Variants in EYA3 observed in about 807,000 individuals in gnomAD.
EYA3 encodes protein phosphatase EYA3.
In EYA3, 39 loss-of-function variants were observed where a neutral mutation model predicts 80.0. The ratio of observed to expected loss-of-function variants is 0.49; its 90% CI spans 0.38 to 0.64. EYA3 has a LOEUF of 0.64. Among genes scored for constraint, EYA3 ranks in the 30% least tolerant of loss-of-function variants. The pLI, the probability that EYA3 is intolerant of heterozygous loss-of-function variation, is 0.00. For missense variants in EYA3, 523 were observed against 676.1 expected, an observed-to-expected ratio of 0.77 and a Z score of 2.51; for synonymous variants, 206 against 232.8, an observed-to-expected ratio of 0.88 and a Z score of 1.05.
At chr1:28,078,423 A>G (rs898388773) in intron 1 of EYA3, among the ~76,000 whole-genome samples, 1 of 152,238 alleles carries the variant, frequency 6.6e-6, no homozygotes, top group Non-Finnish European at 1.5e-5. Context: ...AACTCATCAT[A>G]GTCACAAACA....
intron 7 of EYA3, among the ~76,000 whole-genome samples, chr1:28,025,948 G>T (rs12562773): frequency 0.068 from 10,324 of 151,982 alleles, 617 homozygotes; most frequent in East Asian, 0.25. Flanking sequence ...TAGTAGAGAC[G>T]GGGTTTCTCC....
chr1:28,078,856 G>A (rs1645318870), intron 1 of EYA3, among the ~76,000 whole-genome samples: 1 of 152,210 alleles, frequency 6.6e-6, no homozygotes. Flanking sequence ...TGGTATTCGA[G>A]CCCAGGCAGG....
rs377309843 is a variant in EYA3 at position 28,035,655 on chromosome 1, G to A, written c.250C>T (p.Pro84Ser). ...AKPYAHILSV[P>S]VSETAYPGQT... The stretch of plus-strand genomic sequence containing the variant: ...CCAGGGTAAGCAGTTTCCGAAACAG[G>A]AACTGAGAGAATATGTGCATAAGGT... The change falls in exon 6 of 18, where the codon CCT becomes TCT. Residue 84 changes from proline (P) to serine (S), a missense_variant. Pro to Ser is a moderately conservative substitution (Grantham distance 74). This residue lies in a region of EYA3 where 304 missense variants were observed against 343.3 expected (regional missense o/e 0.89). Coordinates refer to ENST00000373871, the MANE Select transcript of EYA3 (RefSeq NM_001990.4). 1.3e-5 allele frequency: 21 copies of A among 1,613,900 alleles called. No homozygotes were observed. Among genetic ancestry groups the A allele is most frequent in the Non-Finnish European group, 1.8e-5 (21 of 1,179,986 alleles).
intron 3 of EYA3, 29 bp downstream of exon 3, chr1:28,048,354 T>C (rs372379869): frequency 1.9e-6 from 3 of 1,561,546 alleles, no homozygotes; most frequent in South Asian, 2.4e-5. Context: ...TATGAGTAGT[T>C]CATTAAAAAG....
rs189226783 is a variant in EYA3 at position 28,087,064 on chromosome 1, A to G, written c.-69+1460T>C. 1.0e-3 allele frequency among the ~76,000 whole-genome samples: 154 copies of G among 152,366 alleles called. 1 individual carries two copies. Among genetic ancestry groups the G allele is most frequent in the Non-Finnish European group, 1.6e-3 (106 of 68,040 alleles). ...CAAAGCTGTATTTAAGTTCATACTGAAGTACTACATTTTAAAGCACAATTT... is the reference window on the plus strand; with the variant it reads ...CAAAGCTGTATTTAAGTTCATACTGGAGTACTACATTTTAAAGCACAATTT... On this transcript the variant is annotated intron_variant, in intron 1 of 17. Coordinates refer to ENST00000373871, the MANE Select transcript of EYA3 (RefSeq NM_001990.4).
chr1:28,073,299 A>ATT (rs771192369), intron 1 of EYA3, among the ~76,000 whole-genome samples: 9 of 114,226 alleles, frequency 7.9e-5, no homozygotes, highest in African/African-American at 2.8e-4. Context: ...CACCCAGCTA[A>ATT]TTTTTTTTTT....
intron 1 of EYA3, among the ~76,000 whole-genome samples, chr1:28,074,720 CTATGTGTGGACCATACT>C (rs915848363): frequency 6.6e-6 from 1 of 152,090 alleles, no homozygotes; most frequent in African/African-American, 2.4e-5. Context: ...GCTTTCTCTC[CTATGTGTGGACCATACT>C]TAAGTGGTTT....
chr1:28,006,763 C>G (rs1186157351), intron 10 of EYA3, among the ~76,000 whole-genome samples: 1 of 151,696 alleles, frequency 6.6e-6, no homozygotes, highest in Non-Finnish European at 1.5e-5. Flanking sequence ...AGTACCACAC[C>G]TAGTGGTGAA....
At chr1:27,989,055 T>C (rs1639855998) in intron 15 of EYA3, among the ~76,000 whole-genome samples, 1 of 152,244 alleles carries the variant, frequency 6.6e-6, no homozygotes, top group African/African-American at 2.4e-5. Flanking sequence ...TGAGATATGA[T>C]TTGTGTTCGC....
In EYA3 at chr1:27,978,418, C is replaced by T. The variant is rs1639086953; in HGVS notation, c.1597G>A (p.Val533Ile). 6 of 1,614,092 alleles carry T rather than the reference C, an allele frequency of 3.7e-6. No individual in the cohort carries two copies. Among genetic ancestry groups the T allele is most frequent in the Admixed American group, 1.7e-5 (1 of 60,006 alleles). ...VSRFGKKVTYVVIGDGRDEEI... is the reference protein window; with the variant it reads ...VSRFGKKVTYIVIGDGRDEEI... ...TCATCTCGTCCATCTCCAATCACTACATATGTGACTTTCTTTCCAAACCTT... is the reference window on the plus strand; with the variant it reads ...TCATCTCGTCCATCTCCAATCACTATATATGTGACTTTCTTTCCAAACCTT... The change falls in exon 17 of 18, where the codon GTA (valine) becomes ATA (isoleucine). Residue 533 changes from valine (V) to isoleucine (I), a missense_variant. By Grantham distance (29) the Val-to-Ile change is conservative. Transcript: ENST00000373871.
In EYA3 at chr1:28,058,974, TAATTA is replaced by T. The variant is rs775612351; in HGVS notation, c.-68-885_-68-881del. Among the ~76,000 whole-genome samples the T allele has an allele frequency of 3.4e-4, 51 of 152,078 alleles. 2 individuals are homozygous for T. The highest frequency in any genetic ancestry group is 6.8e-3 in the Middle Eastern group (2 of 294). On this transcript the variant is annotated intron_variant, in intron 1 of 17. Transcript: ENST00000373871. Reference sequence around the variant, plus strand: ...CAAAAGATGTGATTGCTTGTATATTTAATTAAAGTCACAGCTGTTTTTAGCTTTTC... The same window carrying T: ...CAAAAGATGTGATTGCTTGTATATTTAAGTCACAGCTGTTTTTAGCTTTTC...
In EYA3 at chr1:28,028,048, G is replaced by T. The variant is rs1016556996; in HGVS notation, c.362-122C>A. ...TCTTAAAACAAAAATAAATTTGCTTGTAAGAGAAAATTATTGAATCTCCCA... is the reference window on the plus strand; with the variant it reads ...TCTTAAAACAAAAATAAATTTGCTTTTAAGAGAAAATTATTGAATCTCCCA... On this transcript the variant is annotated intron_variant, in intron 6 of 17. Transcript: ENST00000373871. 6.2e-5 allele frequency: 71 copies of T among 1,151,160 alleles called. 1 individual carries two copies. In the African/African-American group the frequency reaches 9.6e-4, roughly 16 times the overall value. The allele number at this position is 1,151,160 out of a possible 1,614,324, so 71.3% of individuals were successfully genotyped here. A position where few individuals can be genotyped will look rare whatever the true frequency, so the allele number is the denominator to read the frequency against.
At chr1:28,068,272 C>T (rs1005106236) in intron 1 of EYA3, among the ~76,000 whole-genome samples, 3 of 149,822 alleles carry the variant, frequency 2.0e-5, no homozygotes, top group Admixed American at 1.3e-4. Context: ...GTGGAGATTG[C>T]AGTGAGCCAA....
chr1:27,975,486 T>TG lies in EYA3; in HGVS notation c.1642-941_1642-940insC, dbSNP rs879471534. On this transcript the variant is annotated intron_variant, in intron 17 of 17. Coordinates refer to ENST00000373871, the MANE Select transcript of EYA3 (RefSeq NM_001990.4). ...CATGAGCCACTGTGCCTGGAGGCCA[T>TG]ATTTTTTTTTTTTTTTTGAGACAGA... is the stretch of plus-strand genomic sequence containing the variant. Among the ~76,000 whole-genome samples, 30 of 142,340 alleles carry TG rather than the reference T, an allele frequency of 2.1e-4. No individual in the cohort carries two copies. In the South Asian group the frequency reaches 2.3e-3, roughly 11 times the overall value. The allele number at this position is 142,340 out of a possible 152,430, so 93.4% of individuals were successfully genotyped here.
intron 9 of EYA3, among the ~76,000 whole-genome samples, 160 bp from the exon 10 acceptor site, chr1:28,011,246 G>A (rs888391320): frequency 3.3e-5 from 5 of 152,166 alleles, no homozygotes; most frequent in Non-Finnish European, 7.3e-5. Context: ...GTACATCTAG[G>A]CATTGAGCAT....
chr1:28,059,349 TAC>T (rs1340056850), intron 1 of EYA3, among the ~76,000 whole-genome samples: 4 of 152,232 alleles, frequency 2.6e-5, no homozygotes, highest in African/African-American at 9.6e-5. Flanking sequence ...CTGTAGCTCA[TAC>T]ACAGAGCCTC....
chr1:28,010,851 A>C, intron 10 of EYA3, 96 bp downstream of exon 10: 220 of 1,308,538 alleles, frequency 1.7e-4, no homozygotes, highest in Non-Finnish European at 2.1e-4. Flanking sequence ...CACATAACAT[A>C]GTGCACATTA....
chr1:28,052,051 CTGGCTGGAGTGCAG>C (rs1021335008), intron 2 of EYA3, among the ~76,000 whole-genome samples: 2 of 152,142 alleles, frequency 1.3e-5, no homozygotes, highest in Non-Finnish European at 2.9e-5. Context: ...CTCTGTCACC[CTGGCTGGAGTGCAG>C]TGGTGCGATC....
At chr1:28,074,026 C>T (rs1016906172) in intron 1 of EYA3, among the ~76,000 whole-genome samples, 2 of 151,908 alleles carry the variant, frequency 1.3e-5, no homozygotes, top group Non-Finnish European at 2.9e-5. Flanking sequence ...TTATTAGTAA[C>T]GAGATCTGAA....
Sources: gnomAD v4.1 joint callset for allele counts (sites outside exome capture counted in the v4.1 genomes callset) on GRCh38, gnomAD v4.1.1 for gene constraint, gnomAD v4.1.1 regional missense constraint, MANE v1.5 for transcripts, NCBI Gene and HGNC (gene_info 2026-07-23, HGNC 2026-07-21) for gene names.